Variants in GALNT18 observed in about 807,000 individuals in gnomAD.
The protein encoded by GALNT18 is GalNAc-transferase 18.
In GALNT18, 44 loss-of-function variants were observed where a neutral mutation model predicts 69.5. The observed-to-expected ratio is 0.63, with a 90% CI of 0.50 to 0.81. The LOEUF is 0.81. Among genes scored for constraint, GALNT18 ranks in the 40% least tolerant of loss-of-function variants. The pLI, the probability that GALNT18 is intolerant of heterozygous loss-of-function variation, is 0.00. For synonymous variants in GALNT18, 364 were observed against 318.2 expected (o/e 1.14, Z -1.53); for missense variants, 715 against 810.0 (o/e 0.88, Z 1.42).
chr11:11,317,063 G>A (rs1849769298), intron 9 of GALNT18, among the ~76,000 whole-genome samples: 1 of 152,160 alleles, frequency 6.6e-6, no homozygotes, highest in African/African-American at 2.4e-5. Flanking sequence ...CACTAATCAG[G>A]GCTAATATTC....
In GALNT18 at chr11:11,273,687, G is replaced by A. The variant is rs1848874397; in HGVS notation, c.1678-2397C>T. 2.6e-5 allele frequency among the ~76,000 whole-genome samples: 4 copies of A among 152,142 alleles called. No homozygotes were observed. The South Asian group carries it at 8.3e-4, about 32-fold the overall frequency. ...TACTGTATAATCTAGCAATCCCATT[G>A]TTGGGTATATACCCAAAAGAAAGGA... On this transcript the variant is annotated intron_variant, in intron 10 of 10. Coordinates refer to ENST00000227756, the MANE Select transcript of GALNT18 (RefSeq NM_198516.3).
At chr11:11,329,200 A>T (rs1311324842) in intron 8 of GALNT18, among the ~76,000 whole-genome samples, 1 of 152,246 alleles carries the variant, frequency 6.6e-6, no homozygotes, top group Non-Finnish European at 1.5e-5. Context: ...GCTTAGCATA[A>T]GGCCTGGCAA....
intron 6 of GALNT18, among the ~76,000 whole-genome samples, chr11:11,355,971 C>T (rs971147594): frequency 2.0e-5 from 3 of 152,182 alleles, no homozygotes; most frequent in Admixed American, 2.0e-4. Flanking sequence ...TACAGGTAGG[C>T]TTTGTTTTAT....
intron 9 of GALNT18, among the ~76,000 whole-genome samples, chr11:11,308,410 T>A (rs1385173801): frequency 6.6e-6 from 1 of 152,160 alleles, no homozygotes; most frequent in African/African-American, 2.4e-5. Context: ...CCTGATATGC[T>A]CTGTGCTTCG....
intron 9 of GALNT18, 123 bp downstream of exon 9, chr11:11,326,963 C>G: frequency 4.3e-6 from 3 of 702,912 alleles, no homozygotes; most frequent in South Asian, 1.8e-5. Flanking sequence ...CCAGAGGCCC[C>G]TGGTCCCAGA....
chr11:11,293,897 G>A (rs576330951), intron 9 of GALNT18, among the ~76,000 whole-genome samples: 6 of 145,850 alleles, frequency 4.1e-5, no homozygotes, highest in East Asian at 2.1e-4. Context: ...TTCAGGGAGC[G>A]CAGAGTCTTG....
rs934518273 is a variant in GALNT18 at position 11,620,559 on chromosome 11, G to A, written c.235+800C>T. Among the ~76,000 whole-genome samples the A allele has an allele frequency of 1.3e-5, 2 of 152,172 alleles. No individual in the cohort carries two copies. The highest frequency in any genetic ancestry group is 6.5e-5 in the Admixed American group (1 of 15,286). On this transcript the variant is annotated intron_variant, in intron 1 of 10. Coordinates refer to ENST00000227756, the MANE Select transcript of GALNT18 (RefSeq NM_198516.3). This position sits in a 1 kb window ranked among gnomAD's most constrained non-coding sequence, Gnocchi z 6.9. The stretch of plus-strand genomic sequence containing the variant: ...CGGCTGCTCCCAGGGCCTGAGAGTG[G>A]AGCTACAGTAGGGATCGGCCTTCAC...
At chr11:11,323,924 T>G (rs1337308729) in intron 9 of GALNT18, among the ~76,000 whole-genome samples, 2 of 152,210 alleles carry the variant, frequency 1.3e-5, no homozygotes, top group Non-Finnish European at 2.9e-5. Context: ...TTTTGCAACA[T>G]GGATAGGCTG....
In GALNT18 at chr11:11,621,969, TG is replaced by T. The variant is rs1292121186; in HGVS notation, c.-377del. ...TTCCCATCGCCAGCGCCGGCTGCCT[TG>T]GCGGTCCGACCGGCCCGCGCTGCTA... On this transcript the variant is annotated 5_prime_UTR_variant, in exon 1 of 11. Transcript: ENST00000227756. The surrounding 1 kb of genome is among the most constrained non-coding windows in gnomAD (Gnocchi z 9.3). 4 of 172,518 alleles carry T rather than the reference TG, an allele frequency of 2.3e-5. No homozygotes were observed. The highest frequency in any genetic ancestry group is 4.9e-5 in the Non-Finnish European group (4 of 81,882). The allele number at this position is 172,518 out of a possible 1,614,324, so 10.7% of individuals were successfully genotyped here.
chr11:11,585,143 A>G (rs1229707718), intron 1 of GALNT18, among the ~76,000 whole-genome samples: 3 of 152,220 alleles, frequency 2.0e-5, no homozygotes, highest in Non-Finnish European at 4.4e-5. Flanking sequence ...ATGCTTGGAT[A>G]AAAGATATAA....
Position 11,620,741 on chromosome 11 carries a change from G to A in GALNT18, c.235+618C>T, listed in dbSNP as rs1414296161. 6.6e-6 allele frequency among the ~76,000 whole-genome samples: 1 copy of A among 152,142 alleles called. No homozygotes were observed. Among genetic ancestry groups the A allele is most frequent in the Non-Finnish European group, 1.5e-5 (1 of 68,018 alleles). On this transcript the variant is annotated intron_variant, in intron 1 of 10. Coordinates refer to ENST00000227756, the MANE Select transcript of GALNT18 (RefSeq NM_198516.3). The surrounding 1 kb of genome is among the most constrained non-coding windows in gnomAD (Gnocchi z 6.9). Reference sequence around the variant, plus strand: ...TCCTGGACCCGCGGGCTGTGGTGGGGGTAGGGACTGCTATAGGTTCAAGCG... The same window carrying A: ...TCCTGGACCCGCGGGCTGTGGTGGGAGTAGGGACTGCTATAGGTTCAAGCG...
chr11:11,279,599 C>G lies in GALNT18; in HGVS notation c.1678-8309G>C, dbSNP rs150329868. On this transcript the variant is annotated intron_variant, in intron 10 of 10. Transcript: ENST00000227756. Reference sequence around the variant, plus strand: ...TAGCAACAAAAACTATAGCTATACTCGATAAATCTCACCAATACAATGTCG... The same window carrying G: ...TAGCAACAAAAACTATAGCTATACTGGATAAATCTCACCAATACAATGTCG... Among the ~76,000 whole-genome samples the G allele has an allele frequency of 3.9e-3, 596 of 151,584 alleles. 7 individuals are homozygous for G. Among genetic ancestry groups the G allele is most frequent in the African/African-American group, 0.013 (558 of 41,362 alleles).
intron 1 of GALNT18, among the ~76,000 whole-genome samples, chr11:11,567,860 T>G (rs2133992189): frequency 6.6e-6 from 1 of 152,266 alleles, no homozygotes; most frequent in African/African-American, 2.4e-5. Flanking sequence ...GAGATAAACA[T>G]CCTATATATC....
intron 10 of GALNT18, among the ~76,000 whole-genome samples, chr11:11,273,614 T>G (rs1292610391): frequency 2.0e-5 from 3 of 152,180 alleles, no homozygotes; most frequent in Non-Finnish European, 4.4e-5. Context: ...TTATTACAGC[T>G]ACTATGGAGA....
Position 11,592,507 on chromosome 11 carries a change from G to C in GALNT18, c.235+28852C>G, listed in dbSNP as rs1859381146. 6.6e-6 allele frequency among the ~76,000 whole-genome samples: 1 copy of C among 152,134 alleles called. No homozygotes were observed. The highest frequency in any genetic ancestry group is 2.4e-5 in the African/African-American group (1 of 41,416). ...AAGTTCCTACCATGGCTCCCTGGCA[G>C]AACCATGCTCCCTCACCTTACCCCC... On this transcript the variant is annotated intron_variant, in intron 1 of 10. Transcript: ENST00000227756. This position sits in a 1 kb window ranked among gnomAD's most constrained non-coding sequence, Gnocchi z 5.9.
At chr11:11,294,721 T>C (rs1257423188) in intron 9 of GALNT18, among the ~76,000 whole-genome samples, 1 of 152,174 alleles carries the variant, frequency 6.6e-6, no homozygotes, top group African/African-American at 2.4e-5. Context: ...GAAAGCCACG[T>C]GACTCTTGGC....
At chr11:11,411,827 C>T (rs1439375353) in intron 3 of GALNT18, among the ~76,000 whole-genome samples, 1 of 152,234 alleles carries the variant, frequency 6.6e-6, no homozygotes, top group Non-Finnish European at 1.5e-5. Context: ...TAGCCTCGCT[C>T]TGACCCCACA....
intron 3 of GALNT18, among the ~76,000 whole-genome samples, chr11:11,427,149 T>C (rs559734844): frequency 1.3e-5 from 2 of 152,246 alleles, no homozygotes; most frequent in Admixed American, 6.5e-5. Context: ...GACAGCATGA[T>C]AGATCGGAGC....
rs1854309923 is a variant in GALNT18 at position 11,395,693 on chromosome 11, A to C, written c.596-16429T>G. Reference sequence around the variant, plus strand: ...CCTGCAGAGCGGAGGTAATGATGCAAAGAAAAGAGAGAAGGAAGGAGGCCC... The same window carrying C: ...CCTGCAGAGCGGAGGTAATGATGCACAGAAAAGAGAGAAGGAAGGAGGCCC... On this transcript the variant is annotated intron_variant, in intron 3 of 10. Coordinates refer to ENST00000227756, the MANE Select transcript of GALNT18 (RefSeq NM_198516.3). 2.0e-5 allele frequency among the ~76,000 whole-genome samples: 3 copies of C among 152,332 alleles called. No individual in the cohort carries two copies. In the South Asian group the frequency reaches 6.2e-4, roughly 32 times the overall value.
Sources: gnomAD v4.1 joint callset for allele counts (sites outside exome capture counted in the v4.1 genomes callset) on GRCh38, gnomAD v4.1.1 for gene constraint, Gnocchi (gnomAD v3.1) non-coding constraint, MANE v1.5 for transcripts, NCBI Gene and HGNC (gene_info 2026-07-23, HGNC 2026-07-21) for gene names.